LRP1B: variants seen among roughly 807,000 people sequenced by gnomAD.
LRP1B encodes the protein low-density lipoprotein receptor-related protein 1B.
In LRP1B, 217 loss-of-function variants were observed where a neutral mutation model predicts 556.6. That is an observed-to-expected ratio of 0.39 (90% CI 0.35 to 0.44). The LOEUF is 0.44. Ranked by LOEUF, LRP1B falls within the 20% of genes least tolerant of loss-of-function variation. The pLI, the probability that LRP1B is intolerant of heterozygous loss-of-function variation, is 1.00. For synonymous variants in LRP1B, 2,047 were observed against 1,865.8 expected, an observed-to-expected ratio of 1.10 and a Z score of -2.50; for missense variants, 5,053 against 5,620.8, an observed-to-expected ratio of 0.90 and a Z score of 3.23.
chr2:141,683,273 A>T (rs1403934013), intron 2 of LRP1B, among the ~76,000 whole-genome samples: 1 of 152,186 alleles, frequency 6.6e-6, no homozygotes, highest in Non-Finnish European at 1.5e-5. Flanking sequence ...TTCTTTGAAC[A>T]GGCTGTTAGT....
At chr2:140,659,114 T>TTG (rs1684998817) in intron 41 of LRP1B, among the ~76,000 whole-genome samples, 1 of 144,974 alleles carries the variant, frequency 6.9e-6, no homozygotes, top group Non-Finnish European at 1.5e-5. Context: ...TTTTTTTTTT[T>TTG]TTTTTTTTTT....
intron 6 of LRP1B, among the ~76,000 whole-genome samples, chr2:141,204,067 C>A (rs1297297646): frequency 6.6e-6 from 1 of 152,140 alleles, no homozygotes; most frequent in African/African-American, 2.4e-5. Flanking sequence ...TAAATGCCCA[C>A]AAGAGAAAGC....
chr2:140,929,370 A>G (rs1273048684), intron 20 of LRP1B, among the ~76,000 whole-genome samples: 1 of 152,120 alleles, frequency 6.6e-6, no homozygotes, highest in Admixed American at 6.6e-5. Context: ...CTGGGTCAGA[A>G]TTAAGAGTCA....
intron 1 of LRP1B, among the ~76,000 whole-genome samples, chr2:141,988,692 T>C (rs1702265311): frequency 6.6e-6 from 1 of 152,046 alleles, no homozygotes; most frequent in Non-Finnish European, 1.5e-5. Flanking sequence ...TGAAGATATT[T>C]GCAGTGGTGC....
At chr2:141,754,769 TC>T (rs1318658277) in intron 2 of LRP1B, among the ~76,000 whole-genome samples, 1 of 152,126 alleles carries the variant, frequency 6.6e-6, no homozygotes, top group Non-Finnish European at 1.5e-5. Context: ...TTGCCTTTTT[TC>T]CTCCTAGCTA....
intron 84 of LRP1B, among the ~76,000 whole-genome samples, chr2:140,275,021 C>G (rs527378447): frequency 6.6e-6 from 1 of 151,880 alleles, no homozygotes; most frequent in Non-Finnish European, 1.5e-5. Context: ...GGTTGTTGGA[C>G]GCCGAAAGAA....
chr2:140,355,185 A>G (rs1001137357), intron 75 of LRP1B, among the ~76,000 whole-genome samples: 1 of 151,832 alleles, frequency 6.6e-6, no homozygotes, highest in Non-Finnish European at 1.5e-5. Context: ...TAATAATATA[A>G]TTTCTAAATT....
intron 2 of LRP1B, among the ~76,000 whole-genome samples, chr2:141,666,000 T>C (rs1304745819): frequency 1.3e-5 from 2 of 152,078 alleles, no homozygotes; most frequent in Non-Finnish European, 2.9e-5. Flanking sequence ...AGCATTAGCA[T>C]AAATAGCTAA....
chr2:141,440,708 C>T (rs1204986412), intron 3 of LRP1B, among the ~76,000 whole-genome samples: 1 of 152,214 alleles, frequency 6.6e-6, no homozygotes, highest in Admixed American at 6.5e-5. Flanking sequence ...GAGCATTGTG[C>T]TTTCCCATTT....
At chr2:140,964,031 G>A (rs544182982) in intron 18 of LRP1B, among the ~76,000 whole-genome samples, 3 of 152,122 alleles carry the variant, frequency 2.0e-5, no homozygotes, top group African/African-American at 7.2e-5. Flanking sequence ...GTTATTTATT[G>A]GATACAAGGC....
At chr2:140,780,636 G>T (rs76131913) in intron 32 of LRP1B, among the ~76,000 whole-genome samples, 1 of 152,290 alleles carries the variant, frequency 6.6e-6, no homozygotes, top group Admixed American at 6.5e-5. Context: ...AAAGAGAGCC[G>T]TGGGGGTAGA....
At chr2:140,325,666 C>T in intron 80 of LRP1B, 96 bp downstream of exon 80, 2 of 772,330 alleles carry the variant, frequency 2.6e-6, no homozygotes, top group South Asian at 2.3e-5. Context: ...TAAGAAAATC[C>T]AGAATGCAAA....
At chr2:141,879,390 A>T (rs927048143) in intron 1 of LRP1B, among the ~76,000 whole-genome samples, 1 of 151,998 alleles carries the variant, frequency 6.6e-6, no homozygotes, top group South Asian at 2.1e-4. Flanking sequence ...CACTAGGAAA[A>T]TATGAGCCTA....
chr2:140,938,956 T>C (rs779350256), intron 20 of LRP1B, among the ~76,000 whole-genome samples: 11 of 152,126 alleles, frequency 7.2e-5, no homozygotes, highest in Non-Finnish European at 1.6e-4. Flanking sequence ...AGTTTTATTT[T>C]ATTGAATCCT....
At chr2:140,617,225 T>C (rs1683289066) in intron 41 of LRP1B, among the ~76,000 whole-genome samples, 1 of 151,980 alleles carries the variant, frequency 6.6e-6, no homozygotes, top group Non-Finnish European at 1.5e-5. Context: ...CTCCCTCTTA[T>C]CTCAAAACTA....
chr2:141,360,122 C>T (rs576299438), intron 3 of LRP1B, among the ~76,000 whole-genome samples: 1 of 152,260 alleles, frequency 6.6e-6, no homozygotes, highest in African/African-American at 2.4e-5. Flanking sequence ...ATAAGGACTT[C>T]CAGTGAAGAC....
At chr2:141,837,018 C>T (rs1697305034) in intron 1 of LRP1B, among the ~76,000 whole-genome samples, 1 of 151,736 alleles carries the variant, frequency 6.6e-6, no homozygotes, top group Non-Finnish European at 1.5e-5. Flanking sequence ...TTCAACAACT[C>T]CTTATTTTGG....
At chr2:140,952,426 T>A (rs1343719661) in intron 18 of LRP1B, among the ~76,000 whole-genome samples, 2 of 149,874 alleles carry the variant, frequency 1.3e-5, no homozygotes, top group East Asian at 2.0e-4. Context: ...AAAAAAAAAA[T>A]AAACACAATA....
intron 3 of LRP1B, among the ~76,000 whole-genome samples, chr2:141,448,357 G>C (rs1681277026): frequency 6.6e-6 from 1 of 152,154 alleles, no homozygotes; most frequent in Non-Finnish European, 1.5e-5. Flanking sequence ...TGGGCTCTGT[G>C]GGGTGGGATC....
Sources: allele counts gnomAD v4.1 joint callset (sites outside exome capture counted in the v4.1 genomes callset), GRCh38; gene constraint gnomAD v4.1.1; transcripts MANE v1.5; gene names NCBI Gene and HGNC (gene_info 2026-07-23, HGNC 2026-07-21).